Variants in IFI16 observed in about 807,000 individuals in gnomAD.
IFI16 encodes the protein gamma-interferon-inducible protein 16.
Under a neutral mutation model 68.4 loss-of-function variants are expected in IFI16, and 49 were observed. That is an observed-to-expected ratio of 0.72 (90% confidence interval 0.57 to 0.91). The LOEUF is 0.91. IFI16 is among the 40% of genes least tolerant of loss of function. The probability of loss-of-function intolerance (pLI) is 0.00; values close to 1 mark genes in which losing one functional copy is unlikely to be tolerated. For missense variants in IFI16, 878 were observed against 942.9 expected, an observed-to-expected ratio of 0.93 and a Z score of 0.90; for synonymous variants, 307 against 315.0, an observed-to-expected ratio of 0.97 and a Z score of 0.27.
At chr1:159,010,900 T>A (rs1652508192) in intron 1 of IFI16, among the ~76,000 whole-genome samples, 1 of 152,198 alleles carries the variant, frequency 6.6e-6, no homozygotes, top group African/African-American at 2.4e-5. Flanking sequence ...TTTTAAAAGA[T>A]GTTTTCTATA....
chr1:159,011,001 C>T (rs1485387292), intron 1 of IFI16, among the ~76,000 whole-genome samples: 1 of 152,118 alleles, frequency 6.6e-6, no homozygotes, highest in Non-Finnish European at 1.5e-5. Flanking sequence ...TTGTTAATTA[C>T]GTTGTTCAAA....
chr1:159,051,554 T>C, intron 9 of IFI16, 125 bp from the exon 10 acceptor site: 1 of 689,460 alleles, frequency 1.5e-6, no homozygotes, highest in Non-Finnish European at 2.5e-6. Flanking sequence ...TGTCTAGTTT[T>C]CCCTACTTTA....
At chr1:159,040,165 T>C (rs947253121) in intron 7 of IFI16, among the ~76,000 whole-genome samples, 5 of 152,208 alleles carry the variant, frequency 3.3e-5, no homozygotes, top group Non-Finnish European at 7.3e-5. Context: ...TGATGTTGAA[T>C]TGAAATTAAA....
Position 159,053,687 on chromosome 1 carries a change from C to G in IFI16, c.2240C>G (p.Thr747Ser). 6.2e-7 allele frequency: 1 copy of G among 1,613,732 alleles called. No individual in the cohort carries two copies. The change falls in exon 11 of 12, where the codon ACC becomes AGC. Residue 747 changes from threonine (T) to serine (S), a missense_variant. This residue lies in a region of IFI16 where 311 missense variants were observed against 305.1 expected (regional missense o/e 1.02). Coordinates refer to ENST00000295809, the MANE Select transcript of IFI16 (RefSeq NM_001376587.1). ...CFELAPKSGN[T>S]GELRSVIHSH... ...GAATTGGCACCGAAAAGTGGGAATA[C>G]CGGGGAGTTGAGATCTGTAATTCAT...
At chr1:159,014,455 C>T (rs1204157604) in intron 1 of IFI16, among the ~76,000 whole-genome samples, 2 of 92,440 alleles carry the variant, frequency 2.2e-5, no homozygotes, top group African/African-American at 5.9e-5. Flanking sequence ...CAACTATTCT[C>T]ATTCAATGGG....
rs1655215654 is a variant in IFI16, at chr1:159,049,573, A to T, written c.1639A>T (p.Thr547Ser). 1 of 1,600,492 alleles carries T rather than the reference A, an allele frequency of 6.2e-7. No homozygotes were observed. The highest frequency in any genetic ancestry group is 1.7e-5 in the Admixed American group (1 of 57,174). The change falls in exon 9 of 12, where the codon ACA (threonine) becomes TCA (serine). Residue 547 changes from threonine to serine, a missense_variant. Transcript: ENST00000295809. The stretch of plus-strand genomic sequence containing the variant: ...CCACACTCCTCAGATGCCTCCATCA[A>T]CACCAAGCAGCAGTTTCTTAACCAC... ...HPHTPQMPPSTPSSSFLTTLK... is the reference protein window; with the variant it reads ...HPHTPQMPPSSPSSSFLTTLK...
At chr1:159,020,677 T>C (rs1653255145) in intron 6 of IFI16, 148 bp downstream of exon 6, 1 of 513,768 alleles carries the variant, frequency 1.9e-6, no homozygotes, top group Admixed American at 3.7e-5. Flanking sequence ...CATTTACTTT[T>C]TTTAATTTTT....
intron 10 of IFI16, 25 bp downstream of exon 10, chr1:159,052,123 A>T: frequency 6.4e-7 from 1 of 1,559,620 alleles, no homozygotes; most frequent in Non-Finnish European, 8.7e-7. Context: ...TTGTTTTATA[A>T]AATTTCTCCT....
At chr1:159,053,275 G>T (rs750265423) in intron 10 of IFI16, 8 of 306,146 alleles carry the variant, frequency 2.6e-5, no homozygotes, top group Non-Finnish European at 4.8e-5. Context: ...GAAACAGGAA[G>T]AATTAGGAAA....
intron 6 of IFI16, among the ~76,000 whole-genome samples, chr1:159,031,388 C>G (rs1653989985): frequency 6.6e-6 from 1 of 152,336 alleles, no homozygotes; most frequent in East Asian, 1.9e-4. Flanking sequence ...GTCGAAACTT[C>G]AGCTGGAAGT....
In IFI16 at chr1:159,033,635, TAG is replaced by T. The variant is rs1348378070; in HGVS notation, c.1329+947_1329+948del. Among the ~76,000 whole-genome samples, 19 of 152,326 alleles carry T rather than the reference TAG, an allele frequency of 1.2e-4. No homozygotes were observed. The East Asian group carries it at 3.3e-3, about 26-fold the overall frequency. Reference sequence around the variant, plus strand: ...TCTTCCTCAAGCTTTCAAAGAAAATTAGAGTCATGATTCATATCCAGTCTTAT... The same window carrying T: ...TCTTCCTCAAGCTTTCAAAGAAAATTAGTCATGATTCATATCCAGTCTTAT... On this transcript the variant is annotated intron_variant, in intron 7 of 11. Coordinates refer to ENST00000295809, the MANE Select transcript of IFI16 (RefSeq NM_001376587.1).
intron 6 of IFI16, among the ~76,000 whole-genome samples, chr1:159,030,876 T>TGAG: frequency 6.7e-6 from 1 of 148,582 alleles, no homozygotes; most frequent in African/African-American, 2.5e-5. Context: ...AGGTGGTGGG[T>TGAG]GGGGGGGCCA....
intron 7 of IFI16, among the ~76,000 whole-genome samples, chr1:159,044,833 C>G (rs1333627995): frequency 6.6e-6 from 1 of 152,084 alleles, no homozygotes; most frequent in African/African-American, 2.4e-5. Flanking sequence ...CTTATTATGG[C>G]TATGATCAGA....
chr1:159,037,296 G>A (rs752053764), intron 7 of IFI16, among the ~76,000 whole-genome samples: 7 of 152,160 alleles, frequency 4.6e-5, no homozygotes, highest in Non-Finnish European at 7.3e-5. Flanking sequence ...CTCCATGGCC[G>A]CCGATGCTTA....
chr1:159,030,645 C>G (rs138423473), intron 6 of IFI16, among the ~76,000 whole-genome samples: 1 of 152,268 alleles, frequency 6.6e-6, no homozygotes, highest in Non-Finnish European at 1.5e-5. Context: ...GGTTCGTCTT[C>G]AGGTCTCATC....
At chr1:159,002,541 G>C (rs1652099630), upstream of IFI16, among the ~76,000 whole-genome samples, 1 of 150,408 alleles carries the variant, frequency 6.6e-6, no homozygotes, top group East Asian at 2.1e-4. Context: ...AAAATAGCAC[G>C]ATACCGTTAC....
intron 8 of IFI16, among the ~76,000 whole-genome samples, chr1:159,045,717 T>A (rs1377330526): frequency 6.6e-6 from 1 of 151,210 alleles, no homozygotes; most frequent in African/African-American, 2.4e-5. Flanking sequence ...TACCTTTTTG[T>A]TTTTCCCTCA....
At chr1:159,021,876 G>A (rs1653340710) in intron 6 of IFI16, among the ~76,000 whole-genome samples, 1 of 148,932 alleles carries the variant, frequency 6.7e-6, no homozygotes, top group Non-Finnish European at 1.5e-5. Context: ...TTTTCCTTAT[G>A]CTTGTTGGCC....
At chr1:159,007,483 T>A (rs1652301193), upstream of IFI16, among the ~76,000 whole-genome samples, 1 of 152,186 alleles carries the variant, frequency 6.6e-6, no homozygotes, top group African/African-American at 2.4e-5. Context: ...TGGAATAAGG[T>A]AGATCTGGTT....
Sources: allele counts gnomAD v4.1 joint callset (sites outside exome capture counted in the v4.1 genomes callset), GRCh38; gene constraint gnomAD v4.1.1; regional missense constraint gnomAD v4.1.1; transcripts MANE v1.5; gene names NCBI Gene and HGNC (gene_info 2026-07-23, HGNC 2026-07-21).